The following MAST4 variants were observed in gnomAD, a reference collection of about 807,000 sequenced individuals.
MAST4 encodes the protein microtubule-associated serine/threonine-protein kinase 4.
Under a neutral mutation model 162.7 loss-of-function variants are expected in MAST4, and 89 were observed. The ratio of observed to expected loss-of-function variants is 0.55; its 90% CI spans 0.46 to 0.65. The LOEUF is 0.65. MAST4 is among the 30% of genes least tolerant of loss of function. The pLI is 0.00. For synonymous variants in MAST4, 1,479 were observed against 1,361.1 expected (o/e 1.09, Z -1.91); for missense variants, 3,153 against 3,374.0 (o/e 0.93, Z 1.62).
intron 3 of MAST4, among the ~76,000 whole-genome samples, chr5:66,857,655 A>G (rs1306173527): frequency 6.6e-6 from 1 of 152,106 alleles, no homozygotes; most frequent in East Asian, 1.9e-4. Context: ...GTATCTTTTT[A>G]TATGTTTAGT....
chr5:67,067,408 T>A (rs1429953826), intron 5 of MAST4, among the ~76,000 whole-genome samples: 1 of 152,184 alleles, frequency 6.6e-6, no homozygotes, highest in Non-Finnish European at 1.5e-5. Flanking sequence ...GTATTTTCAG[T>A]ATTATAAAGT....
chr5:66,947,751 C>T (rs374203994), intron 4 of MAST4, among the ~76,000 whole-genome samples: 3 of 152,028 alleles, frequency 2.0e-5, no homozygotes, highest in Non-Finnish European at 2.9e-5. Flanking sequence ...TATCCCGGAC[C>T]CCACAGGAAA....
intron 4 of MAST4, among the ~76,000 whole-genome samples, chr5:66,983,182 A>G (rs148424478): frequency 2.0e-5 from 3 of 152,290 alleles, no homozygotes; most frequent in East Asian, 3.9e-4. Flanking sequence ...CATTAGGAGG[A>G]TATGAAATGT....
chr5:66,793,027 T>C (rs1205029315), intron 3 of MAST4, among the ~76,000 whole-genome samples: 2 of 152,206 alleles, frequency 1.3e-5, no homozygotes, highest in African/African-American at 4.8e-5. Context: ...GTTAGTAAGA[T>C]ATAAATGAAG....
At position 67,163,727 on chromosome 5, in the gene MAST4, G is replaced by C; in HGVS notation, c.4548G>C (p.Arg1516=). Residue 1516 remains arginine (R), a synonymous_variant, in exon 29 of 29, where the codon CGG becomes CGC. Coordinates refer to ENST00000403625, the MANE Select transcript of MAST4 (RefSeq NM_001164664.2). This position sits in a 1 kb window ranked among gnomAD's most constrained non-coding sequence, Gnocchi z 7.0. ...EQGCLKRPVS[R]KVGRQESVDD... The stretch of plus-strand genomic sequence containing the variant: ...GCTGCCTGAAACGCCCAGTCTCCCG[G>C]AAGGTGGGCCGCCAGGAGTCTGTGG... The C allele has an allele frequency of 6.2e-7, 1 of 1,609,114 alleles. No individual in the cohort carries two copies. Among genetic ancestry groups the C allele is most frequent in the Non-Finnish European group, 8.5e-7 (1 of 1,178,052 alleles).
chr5:66,699,458 AT>A (rs1164869466), intron 1 of MAST4, among the ~76,000 whole-genome samples: 1 of 152,050 alleles, frequency 6.6e-6, no homozygotes, highest in African/African-American at 2.4e-5. Flanking sequence ...TTCCAGAGGG[AT>A]TTTTTTGTTA....
intron 4 of MAST4, among the ~76,000 whole-genome samples, chr5:67,048,913 T>C (rs953855369): frequency 2.7e-5 from 4 of 149,680 alleles, no homozygotes; most frequent in Non-Finnish European, 5.9e-5. Flanking sequence ...TTTCCTGTTA[T>C]GTGATACTAC....
intron 1 of MAST4, among the ~76,000 whole-genome samples, chr5:66,706,480 TC>T (rs11297232): frequency 0.017 from 2,634 of 152,280 alleles, 72 homozygotes; most frequent in African/African-American, 0.061. Flanking sequence ...TCCTATATGT[TC>T]TTTTAAGGGA....
intron 26 of MAST4, among the ~76,000 whole-genome samples, chr5:67,154,199 G>T (rs886177109): frequency 6.6e-6 from 1 of 152,254 alleles, no homozygotes; most frequent in Admixed American, 6.5e-5. Context: ...ACTGTAAATG[G>T]AGAGAGAGAA....
chr5:66,746,627 G>T (rs1752774950), intron 1 of MAST4, among the ~76,000 whole-genome samples: 1 of 152,176 alleles, frequency 6.6e-6, no homozygotes, highest in Non-Finnish European at 1.5e-5. Context: ...GATGATGGGT[G>T]AGCAGTATAT....
intron 3 of MAST4, among the ~76,000 whole-genome samples, chr5:66,824,204 C>G (rs1370484150): frequency 1.3e-5 from 2 of 152,154 alleles, no homozygotes; most frequent in African/African-American, 4.8e-5. Flanking sequence ...CACGGTCACA[C>G]TTAACGCAAG....
intron 4 of MAST4, among the ~76,000 whole-genome samples, chr5:67,028,375 C>A (rs189351603): frequency 1.6e-4 from 24 of 152,226 alleles, no homozygotes; most frequent in Non-Finnish European, 3.1e-4. Flanking sequence ...GGAGGTGCCA[C>A]TGAAGGGTTT....
intron 1 of MAST4, among the ~76,000 whole-genome samples, chr5:66,688,334 C>A (rs1657340819): frequency 6.6e-6 from 1 of 152,184 alleles, no homozygotes; most frequent in African/African-American, 2.4e-5. Flanking sequence ...AATGTCCTGG[C>A]AGTCATATCT....
At chr5:66,799,901 ATAGTACC>A (rs982115140) in intron 3 of MAST4, among the ~76,000 whole-genome samples, 67 of 152,300 alleles carry the variant, frequency 4.4e-4, no homozygotes, top group African/African-American at 1.5e-3. Flanking sequence ...GGGAATATTA[ATAGTACC>A]TATCTCATGT....
chr5:66,626,637 T>C (rs2149415147), intron 1 of MAST4, among the ~76,000 whole-genome samples: 1 of 152,368 alleles, frequency 6.6e-6, no homozygotes, highest in Middle Eastern at 3.4e-3. Flanking sequence ...ATTTAAAGAC[T>C]GTAAGCAGTG....
chr5:67,163,769 C>G lies in MAST4; in HGVS notation c.4590C>G (p.Asp1530Glu). ...AGTCTGTGGACGACCTGGACCGCGA[C>G]AAGCTGAAGGCCAAGGTGGTGGTGA... ...RQESVDDLDR[D>E]KLKAKVVVKK... is the part of the protein sequence containing the mutation. Residue 1530 changes from aspartate to glutamate, a missense_variant, in exon 29 of 29, where the codon GAC (aspartate) becomes GAG (glutamate). Physicochemically the swap from Asp to Glu is conservative, Grantham distance 45. This residue lies in a region of MAST4 where 1,644 missense variants were observed against 1,495.0 expected (regional missense o/e 1.10). Coordinates refer to ENST00000403625, the MANE Select transcript of MAST4 (RefSeq NM_001164664.2). This position sits in a 1 kb window ranked among gnomAD's most constrained non-coding sequence, Gnocchi z 7.0. 1 of 1,610,674 alleles carries G rather than the reference C, an allele frequency of 6.2e-7. No homozygotes were observed. Among genetic ancestry groups the G allele is most frequent in the East Asian group, 2.2e-5 (1 of 44,768 alleles).
intron 4 of MAST4, among the ~76,000 whole-genome samples, chr5:66,906,630 T>C (rs1301995115): frequency 6.6e-6 from 1 of 152,200 alleles, no homozygotes; most frequent in East Asian, 1.9e-4. Flanking sequence ...CTGAAATGTA[T>C]GTACCTTTGG....
chr5:67,105,527 A>G (rs942123856), intron 10 of MAST4, among the ~76,000 whole-genome samples: 1 of 152,062 alleles, frequency 6.6e-6, no homozygotes, highest in Non-Finnish European at 1.5e-5. Context: ...ATTGCAACCA[A>G]CTGCAGTCCA....
At chr5:67,064,035 G>A (rs1759945579) in intron 5 of MAST4, among the ~76,000 whole-genome samples, 1 of 152,200 alleles carries the variant, frequency 6.6e-6, no homozygotes, top group African/African-American at 2.4e-5. Flanking sequence ...TAAATAGGCA[G>A]TTGTTGTTAC....
Sources: allele counts gnomAD v4.1 joint callset (sites outside exome capture counted in the v4.1 genomes callset), GRCh38; gene constraint gnomAD v4.1.1; regional missense constraint gnomAD v4.1.1; non-coding constraint Gnocchi (gnomAD v3.1); transcripts MANE v1.5; gene names NCBI Gene and HGNC (gene_info 2026-07-23, HGNC 2026-07-21).